Variants in PIK3C2G observed in about 807,000 individuals in gnomAD.
PIK3C2G encodes phosphatidylinositol-4-phosphate 3-kinase catalytic subunit type 2 gamma, also known as phosphatidylinositol 3-kinase C2 domain-containing subunit gamma.
A neutral mutation model predicts 181.1 loss-of-function variants in PIK3C2G; 168 were observed. The ratio of observed to expected loss-of-function variants is 0.93; its 90% CI spans 0.82 to 1.05. The LOEUF is 1.05. Among genes scored for constraint, PIK3C2G ranks in the 50% least tolerant of loss-of-function variants. The pLI is 0.00. For missense variants in PIK3C2G, 1,869 were observed against 1,732.8 expected, an observed-to-expected ratio of 1.08 and a Z score of -1.40; for synonymous variants, 573 against 592.2, an observed-to-expected ratio of 0.97 and a Z score of 0.47.
chr12:18,473,474 C>T (rs940730932), intron 18 of PIK3C2G, among the ~76,000 whole-genome samples: 3 of 152,120 alleles, frequency 2.0e-5, no homozygotes, highest in Admixed American at 1.3e-4. Flanking sequence ...TATTGATTTC[C>T]GGCTGGTGCT....
At chr12:18,533,997 T>C (rs1943704804) in intron 24 of PIK3C2G, among the ~76,000 whole-genome samples, 1 of 134,158 alleles carries the variant, frequency 7.5e-6, no homozygotes, top group African/African-American at 2.8e-5. Context: ...TCTCCCAGGC[T>C]GGAGTGCAGT....
intron 14 of PIK3C2G, 77 bp downstream of exon 14, chr12:18,381,957 C>T (rs1592117303): frequency 1.1e-6 from 1 of 875,920 alleles, no homozygotes; most frequent in South Asian, 1.4e-5. Flanking sequence ...ATTATAGAAA[C>T]AATTTCTTCC....
At chr12:18,307,591 C>G (rs746619951) in intron 5 of PIK3C2G, among the ~76,000 whole-genome samples, 1 of 151,794 alleles carries the variant, frequency 6.6e-6, no homozygotes, top group Admixed American at 6.6e-5. Flanking sequence ...AGAGCACAAC[C>G]CTTCTCTCCA....
At chr12:18,601,674 A>T in intron 30 of PIK3C2G, among the ~76,000 whole-genome samples, 1 of 152,048 alleles carries the variant, frequency 6.6e-6, no homozygotes, top group East Asian at 1.9e-4. Context: ...TGGGCATGGA[A>T]TTTTTTTTCA....
chr12:18,477,950 C>T (rs1034907782), intron 18 of PIK3C2G, among the ~76,000 whole-genome samples: 9 of 152,172 alleles, frequency 5.9e-5, no homozygotes, highest in East Asian at 1.9e-4. Flanking sequence ...TGTGCAAGAA[C>T]AAAAGGCTGA....
chr12:18,403,152 G>C (rs768929986), intron 16 of PIK3C2G, among the ~76,000 whole-genome samples: 1 of 151,972 alleles, frequency 6.6e-6, no homozygotes, highest in Non-Finnish European at 1.5e-5. Flanking sequence ...TAGCGATCTC[G>C]GTCATGCTCA....
intron 25 of PIK3C2G, among the ~76,000 whole-genome samples, chr12:18,538,615 A>G (rs1395667585): frequency 6.6e-6 from 1 of 152,028 alleles, no homozygotes; most frequent in Non-Finnish European, 1.5e-5. Flanking sequence ...CTTCAGTCAT[A>G]CTAGGCATTA....
At chr12:18,469,669 C>A (rs1170249605) in intron 18 of PIK3C2G, among the ~76,000 whole-genome samples, 3 of 151,878 alleles carry the variant, frequency 2.0e-5, no homozygotes, top group African/African-American at 7.2e-5. Context: ...CTCTCCCCTC[C>A]ACTTCTCTTC....
intron 22 of PIK3C2G, among the ~76,000 whole-genome samples, chr12:18,500,424 C>T (rs1941358361): frequency 6.6e-6 from 1 of 152,182 alleles, no homozygotes; most frequent in African/African-American, 2.4e-5. Context: ...GCCTGAGCCT[C>T]CCCAAGCCTC....
the PIK3C2G span, among the ~76,000 whole-genome samples, chr12:18,656,551 C>T: frequency 4.6e-5 from 7 of 152,066 alleles, no homozygotes; most frequent in Admixed American, 2.0e-4. Context: ...GGCGACAGAG[C>T]GAGACTCTGT....
intron 18 of PIK3C2G, among the ~76,000 whole-genome samples, chr12:18,481,965 G>A (rs1190077156): frequency 6.6e-6 from 1 of 152,098 alleles, no homozygotes; most frequent in African/African-American, 2.4e-5. Flanking sequence ...ATTGAGCATA[G>A]TAGGTCTCAA....
At chr12:18,316,003 G>C in intron 6 of PIK3C2G, among the ~76,000 whole-genome samples, 2 of 151,540 alleles carry the variant, frequency 1.3e-5, no homozygotes, top group South Asian at 4.2e-4. Flanking sequence ...ATTATATATG[G>C]TTATATATTA....
At chr12:18,590,607 G>A (rs1947028479) in intron 29 of PIK3C2G, among the ~76,000 whole-genome samples, 1 of 151,828 alleles carries the variant, frequency 6.6e-6, no homozygotes, top group African/African-American at 2.4e-5. Context: ...AGCAAATGTA[G>A]CACTGATAAT....
intron 30 of PIK3C2G, among the ~76,000 whole-genome samples, chr12:18,602,809 C>T (rs1947807113): frequency 6.6e-6 from 1 of 152,114 alleles, no homozygotes; most frequent in South Asian, 2.1e-4. Flanking sequence ...GAAGCCACAT[C>T]CACAGTAAAA....
chr12:18,623,126 T>C lies in PIK3C2G; in HGVS notation c.4182+13497T>C, dbSNP rs140914214. 5.3e-3 allele frequency among the ~76,000 whole-genome samples: 801 copies of C among 151,996 alleles called. 9 individuals are homozygous for C. The highest frequency in any genetic ancestry group is 0.017 in the African/African-American group (727 of 41,554). Reference sequence around the variant, plus strand: ...TCTAAAAAATCATTGCTCAGACCAATGTCATGTAGATTTTTCTCTGACTTT... The same window carrying C: ...TCTAAAAAATCATTGCTCAGACCAACGTCATGTAGATTTTTCTCTGACTTT... On this transcript the variant is annotated intron_variant, in intron 31 of 32. Coordinates refer to ENST00000538779, the MANE Select transcript of PIK3C2G (RefSeq NM_001288772.2).
intron 13 of PIK3C2G, chr12:18,372,773 G>T (rs1017313095): frequency 9.9e-5 from 15 of 152,016 alleles, no homozygotes; most frequent in African/African-American, 3.4e-4. Flanking sequence ...AATCTTCAAG[G>T]CATTTTTCCA....
intron 18 of PIK3C2G, among the ~76,000 whole-genome samples, chr12:18,482,668 C>T (rs1371193467): frequency 6.6e-6 from 1 of 152,094 alleles, no homozygotes; most frequent in African/African-American, 2.4e-5. Context: ...TTCACAGAAG[C>T]CTAGGGAAAA....
the PIK3C2G span, chr12:18,696,348 A>ATATC: frequency 2.3e-5 from 5 of 214,328 alleles, 1 homozygote; most frequent in East Asian, 2.8e-4. Flanking sequence ...ATATATATAT[A>ATATC]TATCATATAA....
chr12:18,641,426 C>T (rs1189215905), intron 32 of PIK3C2G, among the ~76,000 whole-genome samples: 2 of 152,132 alleles, frequency 1.3e-5, no homozygotes, highest in African/African-American at 4.8e-5. Flanking sequence ...TATACAGCAG[C>T]ACTACTGACC....
Sources: gnomAD v4.1 joint callset for allele counts (sites outside exome capture counted in the v4.1 genomes callset) on GRCh38, gnomAD v4.1.1 for gene constraint, MANE v1.5 for transcripts, NCBI Gene and HGNC (gene_info 2026-07-23, HGNC 2026-07-21) for gene names.